Variants in CFAP54 observed in about 807,000 individuals in gnomAD.
The protein encoded by CFAP54 is cilia- and flagella-associated protein 54.
CFAP54 carries 290 observed loss-of-function variants against 370.4 expected under a neutral mutation model. The ratio of observed to expected loss-of-function variants is 0.78; its 90% CI spans 0.71 to 0.86. CFAP54 has a LOEUF of 0.86. CFAP54 is among the 40% of genes least tolerant of loss of function. The probability of loss-of-function intolerance (pLI) is 0.00; values close to 1 mark genes in which losing one functional copy is unlikely to be tolerated. For synonymous variants in CFAP54, 1,206 were observed against 1,236.5 expected (o/e 0.98, Z 0.52); for missense variants, 3,399 against 3,528.7 (o/e 0.96, Z 0.93).
intron 19 of CFAP54, among the ~76,000 whole-genome samples, chr12:96,570,188 G>A (rs1450045200): frequency 6.6e-6 from 1 of 151,968 alleles, no homozygotes; most frequent in African/African-American, 2.4e-5. Flanking sequence ...TGCCCAGCAT[G>A]GTCTCGAAAT....
At chr12:96,632,066 T>A (rs1956615650) in intron 32 of CFAP54, among the ~76,000 whole-genome samples, 1 of 152,032 alleles carries the variant, frequency 6.6e-6, no homozygotes, top group African/African-American at 2.4e-5. Context: ...TCTCATTGTT[T>A]CAATTTTCAT....
Position 96,685,190 on chromosome 12 carries a change from G to A in CFAP54, c.5966G>A (p.Gly1989Asp), listed in dbSNP as rs1256272684. The change falls in exon 42 of 68, where the codon GGC becomes GAC. Residue 1989 changes from glycine (G) to aspartate (D), a missense_variant. Transcript: ENST00000524981. The stretch of plus-strand genomic sequence containing the variant: ...AGTGAGGAGTTTCTGTCAAGAGTTG[G>A]CATCTGGGGGTGTTTGCAAGGAGCA... ...DYSEEFLSRV[G>D]IWGCLQGAVI... is the part of the protein sequence containing the mutation. 6.2e-7 allele frequency: 1 copy of A among 1,614,116 alleles called. No homozygotes were observed. The highest frequency in any genetic ancestry group is 2.2e-5 in the East Asian group (1 of 44,874).
intron 66 of CFAP54, among the ~76,000 whole-genome samples, chr12:96,836,597 A>C (rs962585666): frequency 1.6e-4 from 24 of 152,286 alleles, no homozygotes; most frequent in African/African-American, 5.5e-4. Flanking sequence ...CCTCTCCTTT[A>C]CTCTGAAAAA....
intron 47 of CFAP54, among the ~76,000 whole-genome samples, chr12:96,707,314 C>G (rs2160541): frequency 0.87 from 132,308 of 152,132 alleles, 57,857 homozygotes; most frequent in African/African-American, 0.95. Flanking sequence ...TTTTACAGTT[C>G]ATGGCATGTG....
chr12:96,667,765 T>A (rs1592698516), intron 39 of CFAP54, among the ~76,000 whole-genome samples: 1 of 152,234 alleles, frequency 6.6e-6, no homozygotes, highest in African/African-American at 2.4e-5. Flanking sequence ...TTGTTACTTA[T>A]GCAAATTTCT....
intron 65 of CFAP54, among the ~76,000 whole-genome samples, chr12:96,822,758 A>G (rs1488336973): frequency 6.6e-6 from 1 of 152,324 alleles, no homozygotes; most frequent in East Asian, 1.9e-4. Context: ...TAGAATACAC[A>G]GAAAAGTTTC....
intron 26 of CFAP54, among the ~76,000 whole-genome samples, chr12:96,609,288 C>CT (rs1306226423): frequency 2.6e-5 from 4 of 152,068 alleles, no homozygotes; most frequent in Admixed American, 6.6e-5. Flanking sequence ...AAAATTGAGT[C>CT]TGAATTAAAA....
intron 31 of CFAP54, 44 bp from the exon 32 acceptor site, chr12:96,630,507 C>A (rs1012383266): frequency 3.7e-6 from 4 of 1,072,152 alleles, no homozygotes; most frequent in Non-Finnish European, 5.1e-6. Context: ...CTACTGTGTT[C>A]AAAGTTTAAA....
chr12:96,517,388 A>G (rs1955248115), intron 5 of CFAP54, among the ~76,000 whole-genome samples: 1 of 152,178 alleles, frequency 6.6e-6, no homozygotes, highest in African/African-American at 2.4e-5. Flanking sequence ...AATGTGAACA[A>G]TTGTTAACTG....
At chr12:96,845,346 G>A (rs901242700) in intron 66 of CFAP54, among the ~76,000 whole-genome samples, 6 of 152,238 alleles carry the variant, frequency 3.9e-5, no homozygotes, top group African/African-American at 1.2e-4. Context: ...CATGCCTGTC[G>A]TGGCTCCTGC....
At position 96,803,157 on chromosome 12, in the gene CFAP54, C is replaced by G. The variant is rs1422281138; in HGVS notation, c.8851-8579C>G. ...AAACACACGTGTGCATGTGTCTTTACAGTAGAATGATTTATAATCCTTTGG... is the reference window on the plus strand; with the variant it reads ...AAACACACGTGTGCATGTGTCTTTAGAGTAGAATGATTTATAATCCTTTGG... On this transcript the variant is annotated intron_variant, in intron 63 of 67. Transcript: ENST00000524981. Among the ~76,000 whole-genome samples the G allele has an allele frequency of 2.0e-5, 3 of 152,088 alleles. No individual in the cohort carries two copies. The East Asian group carries it at 5.8e-4, about 29-fold the overall frequency.
intron 66 of CFAP54, among the ~76,000 whole-genome samples, chr12:96,856,305 T>C (rs1294125763): frequency 6.6e-6 from 1 of 152,222 alleles, no homozygotes; most frequent in Non-Finnish European, 1.5e-5. Context: ...AACATTTGGC[T>C]CCTTTTTACT....
In CFAP54 at chr12:96,739,986, T is replaced by G. The variant is rs747620021; in HGVS notation, c.6996T>G (p.Leu2332=). 1.9e-6 allele frequency: 3 copies of G among 1,597,584 alleles called. No homozygotes were observed. In the East Asian group the frequency reaches 6.7e-5, roughly 36 times the overall value. Residue 2332 remains leucine, a synonymous_variant, in exon 51 of 68, where the codon CTT becomes CTG. Coordinates refer to ENST00000524981, the MANE Select transcript of CFAP54 (RefSeq NM_001306084.2). The part of the protein sequence containing the change: ...SAAIVFSTLT[L]LQDSKLFEKK... ...CAATAGTATTTTCTACACTTACACT[T>G]CTCCAGGATTCAAAACTTTTTGAAA... is the stretch of plus-strand genomic sequence containing the variant.
At chr12:96,672,918 C>T (rs1773876092) in intron 39 of CFAP54, among the ~76,000 whole-genome samples, 1 of 151,966 alleles carries the variant, frequency 6.6e-6, no homozygotes, top group Non-Finnish European at 1.5e-5. Flanking sequence ...ATGATAGGTG[C>T]AATATATCAG....
chr12:96,699,683 A>T (rs575328041), intron 45 of CFAP54, among the ~76,000 whole-genome samples: 6 of 152,194 alleles, frequency 3.9e-5, no homozygotes, highest in Admixed American at 6.5e-5. Context: ...TCATAAAAAT[A>T]TTAATGTGTT....
At chr12:96,504,348 A>C (rs1955066570) in intron 3 of CFAP54, among the ~76,000 whole-genome samples, 1 of 151,970 alleles carries the variant, frequency 6.6e-6, no homozygotes, top group South Asian at 2.1e-4. Flanking sequence ...GTTACATACT[A>C]TTATCCCTAT....
intron 50 of CFAP54, among the ~76,000 whole-genome samples, chr12:96,723,528 C>G (rs903713567): frequency 4.6e-5 from 7 of 152,034 alleles, no homozygotes; most frequent in African/African-American, 1.4e-4. Flanking sequence ...AGAGTTGACC[C>G]CTGGATTTAG....
intron 45 of CFAP54, among the ~76,000 whole-genome samples, chr12:96,694,461 T>C (rs1165935783): frequency 6.6e-6 from 1 of 151,998 alleles, no homozygotes; most frequent in African/African-American, 2.4e-5. Context: ...AACTCTAATA[T>C]AGAATTCAAC....
At chr12:96,754,210 T>G (rs1341814896) in intron 56 of CFAP54, among the ~76,000 whole-genome samples, 4 of 152,210 alleles carry the variant, frequency 2.6e-5, no homozygotes, top group African/African-American at 9.6e-5. Context: ...TAATATTACT[T>G]AAATAATGCT....
Sources: allele counts gnomAD v4.1 joint callset (sites outside exome capture counted in the v4.1 genomes callset), GRCh38; gene constraint gnomAD v4.1.1; transcripts MANE v1.5; gene names NCBI Gene and HGNC (gene_info 2026-07-23, HGNC 2026-07-21).